Variants in CTNNB1 observed in about 807,000 individuals in gnomAD.
CTNNB1 encodes the protein catenin beta 1.
CTNNB1 carries 6 observed loss-of-function variants against 82.5 expected under a neutral mutation model. That is an observed-to-expected ratio of 0.07 (90% CI 0.04 to 0.14). CTNNB1 has a LOEUF of 0.14. Among genes scored for constraint, CTNNB1 ranks in the 10% least tolerant of loss-of-function variants. The pLI is 1.00. For synonymous variants in CTNNB1, 312 were observed against 329.7 expected (o/e 0.95, Z 0.58); for missense variants, 529 against 980.4 (o/e 0.54, Z 6.15).
chr3:41,227,100 C>A, intron 6 of CTNNB1, 108 bp from the exon 7 acceptor site: 2 of 985,212 alleles, frequency 2.0e-6, no homozygotes, highest in Non-Finnish European at 1.6e-6. Context: ...GGTCCAATGG[C>A]AAGCTGGCTG....
chr3:41,222,367 C>A (rs148270972), intron 1 of CTNNB1: 1 of 152,178 alleles, frequency 6.6e-6, no homozygotes, highest in Non-Finnish European at 1.5e-5. Flanking sequence ...TATGCTGTTA[C>A]CTAATTAGAT....
chr3:41,233,381 T>C lies in CTNNB1; in HGVS notation c.1122T>C (p.Ser374=), dbSNP rs1274419067. The C allele has an allele frequency of 6.2e-7, 1 of 1,614,238 alleles. No homozygotes were observed. Among genetic ancestry groups the C allele is most frequent in the Admixed American group, 1.7e-5 (1 of 60,038 alleles). The part of the protein sequence containing the change: ...QALGLHLTDP[S]QRLVQNCLWT... ...TAGGACTTCACCTGACAGATCCAAG[T>C]CAACGTCTTGTTCAGAACTGTCTTT... The change falls in exon 8 of 15, where the codon AGT becomes AGC. Residue 374 remains serine, a synonymous_variant. Coordinates refer to ENST00000349496, the MANE Select transcript of CTNNB1 (RefSeq NM_001904.4).
At position 41,214,605 on chromosome 3, in the gene CTNNB1, A is replaced by C. The variant is rs186888620; in HGVS notation, c.-48-9416A>C. ...TTAGTAACATATTAACCCACTTAAA[A>C]ACCCTTTCTATTACAGGTCTTCACA... On this transcript the variant is annotated intron_variant, in intron 1 of 14. Transcript: ENST00000349496. Among the ~76,000 whole-genome samples, 37 of 152,286 alleles carry C rather than the reference A, an allele frequency of 2.4e-4. No individual in the cohort carries two copies. The East Asian group carries it at 6.0e-3, about 25-fold the overall frequency.
At chr3:41,206,415 A>G (rs1410585051) in intron 1 of CTNNB1, among the ~76,000 whole-genome samples, 1 of 152,036 alleles carries the variant, frequency 6.6e-6, no homozygotes, top group Non-Finnish European at 1.5e-5. Flanking sequence ...ATATATGCAT[A>G]TATATGTGCA....
intron 1 of CTNNB1, among the ~76,000 whole-genome samples, chr3:41,216,207 A>C (rs1258127412): frequency 6.6e-6 from 1 of 152,248 alleles, no homozygotes; most frequent in Non-Finnish European, 1.5e-5. Context: ...GAGATAACAT[A>C]CTAGGCTCAG....
At position 41,225,481 on chromosome 3, in the gene CTNNB1, G is replaced by T. The variant is rs369771822; in HGVS notation, c.643G>T (p.Ala215Ser). 12 of 1,613,820 alleles carry T rather than the reference G, an allele frequency of 7.4e-6. No homozygotes were observed. The highest frequency in any genetic ancestry group is 9.3e-6 in the Non-Finnish European group (11 of 1,179,982). The change falls in exon 5 of 15, where the codon GCT becomes TCT. Residue 215 changes from alanine to serine, a missense_variant. By Grantham distance (99) the Ala-to-Ser change is moderately conservative. This residue lies in a region of CTNNB1 where 411 missense variants were observed against 776.4 expected (regional missense o/e 0.53). Transcript: ENST00000349496. The surrounding 1 kb of genome is among the most constrained non-coding windows in gnomAD (Gnocchi z 5.3). ...TGATGTAGAAACAGCTCGTTGTACCGCTGGGACCTTGCATAACCTTTCCCA... is the reference window on the plus strand; with the variant it reads ...TGATGTAGAAACAGCTCGTTGTACCTCTGGGACCTTGCATAACCTTTCCCA... The part of the protein sequence containing the change: ...TNDVETARCT[A>S]GTLHNLSHHR...
At position 41,239,446 on chromosome 3, in the gene CTNNB1, T is replaced by C. The variant is rs1429247737; in HGVS notation, c.*104T>C. On this transcript the variant is annotated 3_prime_UTR_variant, in exon 15 of 15. Coordinates refer to ENST00000349496, the MANE Select transcript of CTNNB1 (RefSeq NM_001904.4). ...CTTGGTTGGTAGGGTGGGAGTGGTTTAGGCTATTTGTAAATCTGCCACAAA... is the reference window on the plus strand; with the variant it reads ...CTTGGTTGGTAGGGTGGGAGTGGTTCAGGCTATTTGTAAATCTGCCACAAA... 2.0e-6 allele frequency: 2 copies of C among 1,009,902 alleles called. No homozygotes were observed. Among genetic ancestry groups the C allele is most frequent in the East Asian group, 2.6e-5 (1 of 38,610 alleles). 62.6% of individuals were successfully genotyped at this position (1,009,902 alleles called of 1,614,324 possible).
At chr3:41,238,611 C>G (rs899575424) in intron 14 of CTNNB1, among the ~76,000 whole-genome samples, 1 of 152,184 alleles carries the variant, frequency 6.6e-6, no homozygotes, top group African/African-American at 2.4e-5. Context: ...AGCGCAGATT[C>G]TTACTGTGAG....
chr3:41,213,361 C>G (rs2077839643), intron 1 of CTNNB1, among the ~76,000 whole-genome samples: 1 of 152,192 alleles, frequency 6.6e-6, no homozygotes, highest in South Asian at 2.1e-4. Context: ...TTTGACCACT[C>G]TAAGTGGGCC....
At chr3:41,210,473 A>G (rs1472070657) in intron 1 of CTNNB1, among the ~76,000 whole-genome samples, 1 of 152,042 alleles carries the variant, frequency 6.6e-6, no homozygotes, top group Admixed American at 6.5e-5. Context: ...ACAAACAAAA[A>G]ACTAAGACAT....
intron 1 of CTNNB1, chr3:41,222,000 A>G (rs752644245): frequency 9.2e-5 from 14 of 152,100 alleles, no homozygotes; most frequent in Non-Finnish European, 1.8e-4. Context: ...ACTAAATTGA[A>G]GTGTTCTGTT....
chr3:41,239,177 T>G lies in CTNNB1; in HGVS notation c.2181T>G (p.Asp727Glu), dbSNP rs2125653234. Residue 727 changes from aspartate (D) to glutamate (E), a missense_variant, in exon 15 of 15, where the codon GAT (aspartate) becomes GAG (glutamate). By Grantham distance (45) the Asp-to-Glu change is conservative (BLOSUM62 2). Around this residue, in one of 4 missense-constraint regions of CTNNB1, gnomAD observed 102 missense variants for 130.8 expected, o/e 0.78. Transcript: ENST00000349496. Reference sequence around the variant, plus strand: ...TTCACTCTGGTGGATATGGCCAGGATGCCTTGGGTATGGACCCCATGATGG... The same window carrying G: ...TTCACTCTGGTGGATATGGCCAGGAGGCCTTGGGTATGGACCCCATGATGG... ...RSFHSGGYGQ[D>E]ALGMDPMMEH... is the part of the protein sequence containing the mutation. 1.9e-6 allele frequency: 3 copies of G among 1,614,212 alleles called. No homozygotes were observed. Among genetic ancestry groups the G allele is most frequent in the Non-Finnish European group, 2.5e-6 (3 of 1,180,030 alleles).
At chr3:41,234,372 T>G in intron 10 of CTNNB1, 75 bp downstream of exon 10, 1 of 1,483,702 alleles carries the variant, frequency 6.7e-7, no homozygotes, top group Non-Finnish European at 9.4e-7. Flanking sequence ...AACTTCTTTC[T>G]TTGGTCATTG....
intron 1 of CTNNB1, among the ~76,000 whole-genome samples, chr3:41,208,515 C>A (rs759852818): frequency 3.3e-5 from 5 of 152,224 alleles, no homozygotes; most frequent in Non-Finnish European, 5.9e-5. Flanking sequence ...TACGTCAGTT[C>A]CAACAGCCCA....
intron 7 of CTNNB1, among the ~76,000 whole-genome samples, chr3:41,228,719 A>C (rs930734058): frequency 6.6e-6 from 1 of 152,168 alleles, no homozygotes; most frequent in Admixed American, 6.5e-5. Context: ...TGCTGCGCAG[A>C]AGCTCTTTAT....
Position 41,225,533 on chromosome 3 carries a change from T to C in CTNNB1, c.695T>C (p.Phe232Ser), listed in dbSNP as rs1393572968. 1 of 1,614,142 alleles carries C rather than the reference T, an allele frequency of 6.2e-7. No homozygotes were observed. The highest frequency in any genetic ancestry group is 1.7e-5 in the Admixed American group (1 of 59,984). ...SHHREGLLAI[F>S]KSGGIPALVK... ...CATCGTGAGGGCTTACTGGCCATCT[T>C]TAAGTCTGGAGGCATTCCTGCCCTG... Residue 232 changes from phenylalanine to serine, a missense_variant, in exon 5 of 15, where the codon TTT becomes TCT. Physicochemically the swap from Phe to Ser is radical, Grantham distance 155. Around this residue, in one of 4 missense-constraint regions of CTNNB1, gnomAD observed 411 missense variants for 776.4 expected, o/e 0.53. Coordinates refer to ENST00000349496, the MANE Select transcript of CTNNB1 (RefSeq NM_001904.4). The surrounding 1 kb of genome is among the most constrained non-coding windows in gnomAD (Gnocchi z 5.3).
At chr3:41,217,284 A>G (rs550579270) in intron 1 of CTNNB1, among the ~76,000 whole-genome samples, 4 of 152,290 alleles carry the variant, frequency 2.6e-5, no homozygotes, top group African/African-American at 9.6e-5. Context: ...AGAGTAGCAC[A>G]TCTTCTACCT....
chr3:41,216,499 A>G (rs1349605060), intron 1 of CTNNB1, among the ~76,000 whole-genome samples: 1 of 152,252 alleles, frequency 6.6e-6, no homozygotes, highest in African/African-American at 2.4e-5. Context: ...TAAATATTGA[A>G]AAATTTGTAG....
chr3:41,238,068 G>T lies in CTNNB1; in HGVS notation c.2129G>T (p.Arg710Leu). 1 of 1,613,322 alleles carries T rather than the reference G, an allele frequency of 6.2e-7. No homozygotes were observed. Among genetic ancestry groups the T allele is most frequent in the South Asian group, 1.1e-5 (1 of 91,054 alleles). Residue 710 changes from arginine to leucine, a missense_variant, in exon 14 of 15, where the codon CGC (arginine) becomes CTC (leucine). Arg to Leu is a moderately radical substitution (Grantham distance 102, BLOSUM62 -2). Around this residue, in one of 4 missense-constraint regions of CTNNB1, gnomAD observed 102 missense variants for 130.8 expected, o/e 0.78. Coordinates refer to ENST00000349496, the MANE Select transcript of CTNNB1 (RefSeq NM_001904.4). ...GCCCAGGGAGAACCCCTTGGATATC[G>T]CCAGGATGGTATGTGTCTCATATTT... ...IGAQGEPLGY[R>L]QDDPSYRSFH...
Sources: gnomAD v4.1 joint callset for allele counts (sites outside exome capture counted in the v4.1 genomes callset) on GRCh38, gnomAD v4.1.1 for gene constraint, gnomAD v4.1.1 regional missense constraint, Gnocchi (gnomAD v3.1) non-coding constraint, MANE v1.5 for transcripts, NCBI Gene and HGNC (gene_info 2026-07-23, HGNC 2026-07-21) for gene names.